MBNL3: variants seen among roughly 807,000 people sequenced by gnomAD.
MBNL3 encodes the protein muscleblind like splicing regulator 3.
A neutral mutation model predicts 24.5 loss-of-function variants in MBNL3; 6 were observed. The ratio of observed to expected loss-of-function variants is 0.25; its 90% confidence interval spans 0.13 to 0.48. The LOEUF (loss-of-function observed/expected upper bound fraction) is 0.48, where lower values mean the gene tolerates loss of function less well. MBNL3 is among the 20% of genes least tolerant of loss of function. MBNL3 has a pLI of 0.99. For synonymous variants in MBNL3, 100 were observed against 101.7 expected (o/e 0.98, Z 0.10); for missense variants, 230 against 293.5 (o/e 0.78, Z 1.58).
At chrX:132,463,782 AT>A (rs1462641953) in intron 1 of MBNL3, among the ~76,000 whole-genome samples, 1 of 112,514 alleles carries the variant, frequency 8.9e-6, no homozygotes, top group African/African-American at 3.2e-5. Flanking sequence ...TATACAGATT[AT>A]TAGAACTCAA....
At chrX:132,382,590 G>A (rs1447835077) in intron 7 of MBNL3, among the ~76,000 whole-genome samples, 1 of 112,227 alleles carries the variant, frequency 8.9e-6, no homozygotes, top group Admixed American at 9.4e-5. Flanking sequence ...TTCAGAAGGG[G>A]CTATAATGAA....
chrX:132,396,960 A>C (rs866302731), intron 3 of MBNL3, among the ~76,000 whole-genome samples: 1 of 79,653 alleles, frequency 1.3e-5, no homozygotes, highest in Non-Finnish European at 2.3e-5. Flanking sequence ...ATATATATTC[A>C]TATATATATG....
chrX:132,407,341 C>T (rs900576780), intron 2 of MBNL3, among the ~76,000 whole-genome samples: 2 of 111,860 alleles, frequency 1.8e-5, no homozygotes, highest in Non-Finnish European at 3.8e-5. Context: ...ATTGTTTTAC[C>T]TCCTCTGGCA....
intron 2 of MBNL3, among the ~76,000 whole-genome samples, chrX:132,435,109 A>C (rs772868629): frequency 8.1e-4 from 90 of 111,653 alleles, no homozygotes; most frequent in African/African-American, 2.7e-3. Context: ...GGGTACCATT[A>C]GGTCGGTGCA....
intron 2 of MBNL3, among the ~76,000 whole-genome samples, chrX:132,418,697 T>A (rs1943517720): frequency 8.9e-6 from 1 of 112,601 alleles, no homozygotes; most frequent in African/African-American, 3.2e-5. Flanking sequence ...GGATTTTGGA[T>A]GGCTTGAGAA....
At chrX:132,464,767 C>T (rs1179301783) in intron 1 of MBNL3, among the ~76,000 whole-genome samples, 1 of 111,810 alleles carries the variant, frequency 8.9e-6, no homozygotes, top group South Asian at 3.7e-4. Context: ...CTGGCCGGTG[C>T]GGTGGCTCAC....
chrX:132,396,393 C>A (rs1219262214), intron 3 of MBNL3, among the ~76,000 whole-genome samples: 4 of 77,787 alleles, frequency 5.1e-5, no homozygotes, highest in Admixed American at 3.2e-4. Flanking sequence ...TATATATATT[C>A]CTATATATAT....
intron 1 of MBNL3, among the ~76,000 whole-genome samples, chrX:132,461,184 G>T (rs150676596): frequency 2.0e-4 from 22 of 111,915 alleles, no homozygotes; most frequent in African/African-American, 6.5e-4. Context: ...AAAAAATAAA[G>T]ACAAGTGGTT....
At chrX:132,394,454 G>A (rs151062952) in intron 3 of MBNL3, among the ~76,000 whole-genome samples, 24 of 112,139 alleles carry the variant, frequency 2.1e-4, no homozygotes, top group African/African-American at 7.1e-4. Flanking sequence ...ATGAGAAAGA[G>A]TCCATTTTTG....
At chrX:132,427,186 T>A (rs1944373679) in intron 2 of MBNL3, among the ~76,000 whole-genome samples, 1 of 111,725 alleles carries the variant, frequency 9.0e-6, no homozygotes, top group Non-Finnish European at 1.9e-5. Context: ...CATCTAGAGT[T>A]CACCCAAGAA....
chrX:132,394,310 T>G (rs1937621759), intron 3 of MBNL3, among the ~76,000 whole-genome samples: 1 of 111,996 alleles, frequency 8.9e-6, no homozygotes, highest in Non-Finnish European at 1.9e-5. Flanking sequence ...GCTCAGGAAC[T>G]AGCTGATGTG....
intron 1 of MBNL3, among the ~76,000 whole-genome samples, chrX:132,446,605 G>GT (rs1187165778): frequency 1.8e-5 from 2 of 111,816 alleles, no homozygotes; most frequent in South Asian, 3.7e-4. Context: ...GGGGTTGTTT[G>GT]TTTTTTCTTG....
intron 2 of MBNL3, among the ~76,000 whole-genome samples, chrX:132,414,570 A>G (rs1469857448): frequency 8.9e-6 from 1 of 111,761 alleles, no homozygotes; most frequent in Non-Finnish European, 1.9e-5. Context: ...ACACAAGAGT[A>G]TGATAAAGGC....
chrX:132,428,737 TA>T (rs2148403985), intron 2 of MBNL3, among the ~76,000 whole-genome samples: 1 of 111,869 alleles, frequency 8.9e-6, no homozygotes, highest in South Asian at 3.7e-4. Context: ...AACAGAACAG[TA>T]AGTAAACAAT....
intron 1 of MBNL3, among the ~76,000 whole-genome samples, chrX:132,474,792 T>C (rs1291428248): frequency 9.0e-6 from 1 of 110,914 alleles, no homozygotes; most frequent in Non-Finnish European, 1.9e-5. Context: ...TTCCAACATA[T>C]CTCATCCTTC....
intron 2 of MBNL3, among the ~76,000 whole-genome samples, chrX:132,429,441 T>C (rs187206689): frequency 8.9e-6 from 1 of 112,132 alleles, no homozygotes; most frequent in African/African-American, 3.2e-5. Context: ...CAGCTCAGTG[T>C]TCTGACACTC....
chrX:132,380,084 A>T (rs1210085155), intron 8 of MBNL3, among the ~76,000 whole-genome samples: 1 of 112,607 alleles, frequency 8.9e-6, no homozygotes, highest in African/African-American at 3.2e-5. Context: ...TTTTAGAGCC[A>T]TGCAGAAGTA....
chrX:132,479,441 T>A (rs1947612272), intron 1 of MBNL3, among the ~76,000 whole-genome samples: 1 of 112,015 alleles, frequency 8.9e-6, no homozygotes, highest in Non-Finnish European at 1.9e-5. Flanking sequence ...ACATTCAAAC[T>A]CAAAAATGTT....
chrX:132,398,628 G>A (rs932420859), intron 3 of MBNL3, among the ~76,000 whole-genome samples: 2 of 111,306 alleles, frequency 1.8e-5, no homozygotes, highest in African/African-American at 6.5e-5. Context: ...TGGTTATCTA[G>A]TTTTAACAAA....
Sources: allele counts gnomAD v4.1 joint callset (sites outside exome capture counted in the v4.1 genomes callset), GRCh38; gene constraint gnomAD v4.1.1; transcripts MANE v1.5; gene names NCBI Gene and HGNC (gene_info 2026-07-23, HGNC 2026-07-21).